Variants in ZFAND3 observed in about 807,000 individuals in gnomAD.
ZFAND3 encodes the protein AN1-type zinc finger protein 3.
Under a neutral mutation model 29.6 loss-of-function variants are expected in ZFAND3, and 10 were observed. That is an observed-to-expected ratio of 0.34 (90% CI 0.21 to 0.57). The LOEUF is 0.57. Ranked by LOEUF, ZFAND3 falls within the 20% of genes least tolerant of loss-of-function variation. ZFAND3 has a pLI of 0.86. For missense variants in ZFAND3, 230 were observed against 304.5 expected, an observed-to-expected ratio of 0.76 and a Z score of 1.82; for synonymous variants, 128 against 112.6, an observed-to-expected ratio of 1.14 and a Z score of -0.87.
chr6:38,118,593 T>C (rs1765465620), intron 5 of ZFAND3, among the ~76,000 whole-genome samples: 1 of 150,736 alleles, frequency 6.6e-6, no homozygotes, highest in Non-Finnish European at 1.5e-5. Context: ...CTATCAAGTA[T>C]GCTGTCTTGT....
chr6:38,014,735 T>C (rs1561966798), intron 2 of ZFAND3, among the ~76,000 whole-genome samples: 1 of 152,214 alleles, frequency 6.6e-6, no homozygotes, highest in Non-Finnish European at 1.5e-5. Context: ...CTCTTTCTCC[T>C]GGCGGATGGG....
intron 5 of ZFAND3, among the ~76,000 whole-genome samples, chr6:38,124,337 G>A (rs1012691124): frequency 6.6e-6 from 1 of 152,238 alleles, no homozygotes; most frequent in Non-Finnish European, 1.5e-5. Context: ...GCAATCCTCA[G>A]CCCTTGGGCA....
chr6:38,031,506 C>A (rs965266678), intron 2 of ZFAND3, among the ~76,000 whole-genome samples: 1 of 152,140 alleles, frequency 6.6e-6, no homozygotes, highest in Non-Finnish European at 1.5e-5. Context: ...TATATACTTG[C>A]AAGCCTGTCT....
chr6:38,054,380 C>T (rs1389900498), intron 2 of ZFAND3, among the ~76,000 whole-genome samples: 1 of 142,420 alleles, frequency 7.0e-6, no homozygotes, highest in South Asian at 2.2e-4. Context: ...GGTGACAGAG[C>T]GAGACCCTGT....
intron 5 of ZFAND3, among the ~76,000 whole-genome samples, chr6:38,143,508 G>T (rs1766006027): frequency 6.6e-6 from 1 of 152,248 alleles, no homozygotes; most frequent in Admixed American, 6.5e-5. Flanking sequence ...CTAACATTTA[G>T]CTGGCATGTA....
intron 1 of ZFAND3, among the ~76,000 whole-genome samples, chr6:37,835,856 G>T (rs144571462): frequency 1.4e-4 from 21 of 152,222 alleles, no homozygotes; most frequent in African/African-American, 4.6e-4. Flanking sequence ...CTAGCATCCT[G>T]TATAATAAAT....
intron 2 of ZFAND3, among the ~76,000 whole-genome samples, chr6:38,038,381 A>G (rs1037841111): frequency 1.3e-5 from 2 of 152,228 alleles, no homozygotes; most frequent in Admixed American, 1.3e-4. Context: ...CTTTATGAAA[A>G]GGATTCTGAC....
At chr6:37,825,555 T>C (rs1334843042) in intron 1 of ZFAND3, among the ~76,000 whole-genome samples, 1 of 152,144 alleles carries the variant, frequency 6.6e-6, no homozygotes, top group Non-Finnish European at 1.5e-5. Context: ...ATAGTCTTCT[T>C]TCTATTGGTT....
chr6:37,885,967 G>T (rs1330126520), intron 1 of ZFAND3, among the ~76,000 whole-genome samples: 5 of 152,058 alleles, frequency 3.3e-5, no homozygotes, highest in African/African-American at 1.2e-4. Flanking sequence ...GCCAGGTGCG[G>T]TGGCTTATGC....
chr6:37,875,634 ATTTT>A (rs71542144), intron 1 of ZFAND3, among the ~76,000 whole-genome samples: 1 of 143,770 alleles, frequency 7.0e-6, no homozygotes, highest in Non-Finnish European at 1.5e-5. Flanking sequence ...TAATTTCTGT[ATTTT>A]TTTTTTTTTT....
At chr6:38,106,658 C>A (rs776527683) in intron 4 of ZFAND3, among the ~76,000 whole-genome samples, 10 of 152,098 alleles carry the variant, frequency 6.6e-5, no homozygotes, top group Non-Finnish European at 1.2e-4. Context: ...TCCCCTCATA[C>A]CACTTAGTAT....
intron 5 of ZFAND3, among the ~76,000 whole-genome samples, chr6:38,149,027 C>T (rs1766167393): frequency 6.6e-6 from 1 of 152,138 alleles, no homozygotes; most frequent in Admixed American, 6.5e-5. Flanking sequence ...CTCCCAAAAT[C>T]TATCTGCTGT....
chr6:38,107,377 A>C (rs546215680), intron 4 of ZFAND3, among the ~76,000 whole-genome samples: 1 of 152,162 alleles, frequency 6.6e-6, no homozygotes, highest in African/African-American at 2.4e-5. Flanking sequence ...CTTCTCCCCA[A>C]CTGCAAGGTG....
At chr6:38,083,524 C>T (rs2127471392) in intron 4 of ZFAND3, among the ~76,000 whole-genome samples, 1 of 152,192 alleles carries the variant, frequency 6.6e-6, no homozygotes, top group African/African-American at 2.4e-5. Flanking sequence ...CTGATTTTAG[C>T]CAGCGGGAAG....
intron 1 of ZFAND3, among the ~76,000 whole-genome samples, chr6:37,888,629 A>G (rs1249206511): frequency 6.6e-6 from 1 of 152,140 alleles, no homozygotes. Context: ...TCCAGATCAC[A>G]TTAGTTTATA....
At chr6:38,046,672 C>T (rs554172932) in intron 2 of ZFAND3, among the ~76,000 whole-genome samples, 2 of 152,204 alleles carry the variant, frequency 1.3e-5, no homozygotes, top group Admixed American at 6.5e-5. Context: ...GAGCCTGACT[C>T]GTAATCAGTA....
intron 2 of ZFAND3, 31 bp downstream of exon 2, chr6:37,930,030 CT>C: frequency 6.5e-7 from 1 of 1,531,386 alleles, no homozygotes; most frequent in Non-Finnish European, 8.8e-7. Context: ...TTTTAATTTA[CT>C]TTCATTTTTC....
chr6:37,917,051 G>A (rs935875357), intron 1 of ZFAND3, among the ~76,000 whole-genome samples: 2 of 152,180 alleles, frequency 1.3e-5, no homozygotes, highest in African/African-American at 4.8e-5. Flanking sequence ...TGCTGACATA[G>A]TGTTAAAATT....
chr6:38,062,116 A>T (rs1764253396), intron 3 of ZFAND3, among the ~76,000 whole-genome samples: 1 of 152,054 alleles, frequency 6.6e-6, no homozygotes, highest in Non-Finnish European at 1.5e-5. Flanking sequence ...AGGCCCAGGG[A>T]TCTGTTATTT....
Sources: gnomAD v4.1 joint callset for allele counts (sites outside exome capture counted in the v4.1 genomes callset) on GRCh38, gnomAD v4.1.1 for gene constraint, MANE v1.5 for transcripts, NCBI Gene and HGNC (gene_info 2026-07-23, HGNC 2026-07-21) for gene names.